ADAM18: variants seen among roughly 807,000 people sequenced by gnomAD.
ADAM18 encodes the protein disintegrin and metalloproteinase domain-containing protein 18.
ADAM18 carries 117 observed loss-of-function variants against 94.4 expected under a neutral mutation model. The observed-to-expected ratio is 1.24, with a 90% confidence interval of 1.07 to 1.45. ADAM18 has a LOEUF of 1.45. Ranked by LOEUF, ADAM18 falls within the 40% of genes most tolerant of loss-of-function variation. ADAM18 has a pLI of 0.00. For synonymous variants in ADAM18, 327 were observed against 291.6 expected (o/e 1.12, Z -1.24); for missense variants, 936 against 880.0 (o/e 1.06, Z -0.81).
At chr8:39,604,543 A>G (rs1172346512) in intron 2 of ADAM18, 1 of 152,070 alleles carries the variant, frequency 6.6e-6, no homozygotes, top group Non-Finnish European at 1.5e-5. Flanking sequence ...TGTCCTTGCA[A>G]TGGTGAGTGA....
chr8:39,631,992 C>G (rs891099471), intron 7 of ADAM18, among the ~76,000 whole-genome samples: 2 of 152,020 alleles, frequency 1.3e-5, no homozygotes, highest in African/African-American at 4.8e-5. Context: ...AGTTGACACA[C>G]AATTTATCTT....
intron 16 of ADAM18, 60 bp from the exon 17 acceptor site, chr8:39,692,540 G>GT: frequency 9.4e-7 from 1 of 1,062,270 alleles, no homozygotes; most frequent in Non-Finnish European, 1.4e-6. Flanking sequence ...AATCATTAAT[G>GT]TTTTTTCTTG....
In ADAM18 at chr8:39,631,386, G is replaced by T. The variant is rs139263546; in HGVS notation, c.588+1947G>T. Among the ~76,000 whole-genome samples the T allele has an allele frequency of 2.6e-3, 393 of 151,862 alleles. 5 individuals are homozygous for T. The highest frequency in any genetic ancestry group is 9.0e-3 in the African/African-American group (374 of 41,466). On this transcript the variant is annotated intron_variant, in intron 7 of 19. Transcript: ENST00000265707. ...GAGCAATGTGTACGCTGTGAGGCAG[G>T]GTTCTCTTTTTTCCATATAGACATC...
intron 17 of ADAM18, among the ~76,000 whole-genome samples, chr8:39,694,095 G>A (rs1380274257): frequency 2.0e-5 from 3 of 151,228 alleles, no homozygotes; most frequent in Non-Finnish European, 4.5e-5. Context: ...GTATAAAGAA[G>A]TTAAGAACAT....
chr8:39,657,381 A>G (rs988293113), intron 12 of ADAM18, among the ~76,000 whole-genome samples: 1 of 152,058 alleles, frequency 6.6e-6, no homozygotes, highest in African/African-American at 2.4e-5. Flanking sequence ...GCTTGATGTC[A>G]GCTCACTCTA....
chr8:39,708,038 T>C (rs1822290057), intron 18 of ADAM18, among the ~76,000 whole-genome samples: 1 of 152,156 alleles, frequency 6.6e-6, no homozygotes. Context: ...ACGGCATGTA[T>C]TCGTTGGACT....
At chr8:39,592,133 G>A (rs1420124482) in intron 2 of ADAM18, among the ~76,000 whole-genome samples, 5 of 152,124 alleles carry the variant, frequency 3.3e-5, no homozygotes, top group Non-Finnish European at 7.4e-5. Context: ...AGTACATTTA[G>A]CATAATTCTT....
intron 18 of ADAM18, among the ~76,000 whole-genome samples, chr8:39,716,612 T>A (rs941975842): frequency 6.6e-6 from 1 of 151,988 alleles, no homozygotes; most frequent in African/African-American, 2.4e-5. Flanking sequence ...TTTTATGATA[T>A]AACATTTGAT....
intron 18 of ADAM18, among the ~76,000 whole-genome samples, chr8:39,720,098 T>C (rs1417405140): frequency 6.6e-6 from 1 of 151,250 alleles, no homozygotes; most frequent in Non-Finnish European, 1.5e-5. Flanking sequence ...GTGTAGTCTC[T>C]CAATACAGTG....
rs969508898 is a variant in ADAM18 at position 39,610,729 on chromosome 8, T to G, written c.522+23T>G. ...CAGGTGACTGTCATCATTCTGATGTTATGACATACTAGAACATTGCCTGTG... is the reference window on the plus strand; with the variant it reads ...CAGGTGACTGTCATCATTCTGATGTGATGACATACTAGAACATTGCCTGTG... On this transcript the variant is annotated intron_variant, in intron 6 of 19. Coordinates refer to ENST00000265707, the MANE Select transcript of ADAM18 (RefSeq NM_014237.3). The G allele has an allele frequency of 3.1e-6, 5 of 1,607,346 alleles. No homozygotes were observed. The Middle Eastern group carries it at 6.7e-4, about 215-fold the overall frequency.
chr8:39,590,816 G>A (rs990987469), intron 2 of ADAM18, among the ~76,000 whole-genome samples: 1 of 152,058 alleles, frequency 6.6e-6, no homozygotes, highest in Admixed American at 6.6e-5. Context: ...TAGAACATAA[G>A]AGCAAGTCAC....
intron 2 of ADAM18, among the ~76,000 whole-genome samples, chr8:39,604,096 G>A (rs1818990382): frequency 6.6e-6 from 1 of 152,116 alleles, no homozygotes; most frequent in Non-Finnish European, 1.5e-5. Flanking sequence ...TTCGCCACAT[G>A]CTGGCATTGT....
intron 7 of ADAM18, among the ~76,000 whole-genome samples, chr8:39,635,068 A>T (rs1292695252): frequency 6.6e-6 from 1 of 152,178 alleles, no homozygotes; most frequent in African/African-American, 2.4e-5. Flanking sequence ...GGCCCTTATA[A>T]AAGCACTGTG....
chr8:39,599,386 T>C (rs1316503559), intron 2 of ADAM18, among the ~76,000 whole-genome samples: 1 of 152,186 alleles, frequency 6.6e-6, no homozygotes, highest in African/African-American at 2.4e-5. Flanking sequence ...GAAAAAGAAG[T>C]ATTCCCTGTG....
In ADAM18 at chr8:39,680,635, A is replaced by T. The variant is rs1451740; in HGVS notation, c.1821+409A>T. 5.7e-3 allele frequency among the ~76,000 whole-genome samples: 867 copies of T among 152,328 alleles called. 6 individuals carry two copies. The highest frequency in any genetic ancestry group is 0.02 in the African/African-American group (831 of 41,586). ...ACAAAAGGTTTGGAACCAAACAAGA[A>T]TCTATACTAGGAAACATTGCTATAG... is the stretch of plus-strand genomic sequence containing the variant. On this transcript the variant is annotated intron_variant, in intron 16 of 19. Coordinates refer to ENST00000265707, the MANE Select transcript of ADAM18 (RefSeq NM_014237.3).
intron 2 of ADAM18, among the ~76,000 whole-genome samples, chr8:39,601,510 C>A (rs1415212802): frequency 1.3e-5 from 2 of 151,864 alleles, no homozygotes; most frequent in Admixed American, 6.6e-5. Flanking sequence ...TCGTGGTTTG[C>A]CTTCTTAGTT....
At chr8:39,624,865 T>C (rs1235621570) in intron 6 of ADAM18, among the ~76,000 whole-genome samples, 1 of 152,240 alleles carries the variant, frequency 6.6e-6, no homozygotes, top group South Asian at 2.1e-4. Context: ...CCTTCCACCA[T>C]GATTGAAAGT....
chr8:39,594,067 G>A (rs1818660868), intron 2 of ADAM18, among the ~76,000 whole-genome samples: 1 of 151,794 alleles, frequency 6.6e-6, no homozygotes, highest in South Asian at 2.1e-4. Flanking sequence ...TCTTTTTCAT[G>A]CTTATGTATA....
intron 10 of ADAM18, among the ~76,000 whole-genome samples, chr8:39,645,022 T>C (rs528499751): frequency 2.6e-5 from 4 of 152,312 alleles, no homozygotes; most frequent in Non-Finnish European, 4.4e-5. Flanking sequence ...TTGATATCTA[T>C]TCATTGGATG....
Sources: gnomAD v4.1 joint callset for allele counts (sites outside exome capture counted in the v4.1 genomes callset) on GRCh38, gnomAD v4.1.1 for gene constraint, MANE v1.5 for transcripts, NCBI Gene and HGNC (gene_info 2026-07-23, HGNC 2026-07-21) for gene names.